Variants in KCNQ1 observed in about 807,000 individuals in gnomAD.
KCNQ1 encodes the protein potassium voltage-gated channel subfamily KQT member 1.
In KCNQ1, 49 loss-of-function variants were observed where a neutral mutation model predicts 72.4. The observed-to-expected ratio is 0.68, with a 90% confidence interval of 0.54 to 0.86. The LOEUF is 0.86. Among genes scored for constraint, KCNQ1 ranks in the 40% least tolerant of loss-of-function variants. KCNQ1 has a pLI of 0.00. For missense variants in KCNQ1, 790 were observed against 945.1 expected (o/e 0.84, Z 2.15); for synonymous variants, 450 against 412.6 (o/e 1.09, Z -1.10).
chr11:2,832,009 C>A (rs1213653154), intron 15 of KCNQ1, among the ~76,000 whole-genome samples: 1 of 152,072 alleles, frequency 6.6e-6, no homozygotes, highest in Non-Finnish European at 1.5e-5. Flanking sequence ...GGCCTGAGGC[C>A]CAGGCAGACC....
In KCNQ1 at chr11:2,543,219, T is replaced by C. The variant is rs529830561; in HGVS notation, c.477+15201T>C. On this transcript the variant is annotated intron_variant, in intron 2 of 15. Coordinates refer to ENST00000155840, the MANE Select transcript of KCNQ1 (RefSeq NM_000218.3). The surrounding 1 kb of genome is among the most constrained non-coding windows in gnomAD (Gnocchi z 5.6). ...TTTGTATATTCTGGTTACATAGATA[T>C]TTGTTTTACACATGTATTCTCTAGT... Among the ~76,000 whole-genome samples, 12 of 152,378 alleles carry C rather than the reference T, an allele frequency of 7.9e-5. 1 individual carries two copies. The South Asian group carries it at 2.1e-3, about 26-fold the overall frequency.
intron 15 of KCNQ1, among the ~76,000 whole-genome samples, chr11:2,829,844 G>A (rs1478545531): frequency 6.6e-6 from 1 of 151,632 alleles, no homozygotes; most frequent in African/African-American, 2.4e-5. Context: ...TTTAAAGATG[G>A]GAGAGCTTCA....
chr11:2,598,750 G>A lies in KCNQ1; in HGVS notation c.1393+9896G>A, dbSNP rs1373177778. Among the ~76,000 whole-genome samples the A allele has an allele frequency of 6.6e-6, 1 of 152,076 alleles. No individual in the cohort carries two copies. The highest frequency in any genetic ancestry group is 1.5e-5 in the Non-Finnish European group (1 of 68,032). ...AGCCTATATGGCCAACCTTCTTTAGGGTCATAGCCCAGCTCTGCCATTTTC... is the reference window on the plus strand; with the variant it reads ...AGCCTATATGGCCAACCTTCTTTAGAGTCATAGCCCAGCTCTGCCATTTTC... On this transcript the variant is annotated intron_variant, in intron 10 of 15. Coordinates refer to ENST00000155840, the MANE Select transcript of KCNQ1 (RefSeq NM_000218.3). This position sits in a 1 kb window ranked among gnomAD's most constrained non-coding sequence, Gnocchi z 6.2.
At chr11:2,836,767 G>A (rs1848074498) in intron 15 of KCNQ1, among the ~76,000 whole-genome samples, 1 of 152,240 alleles carries the variant, frequency 6.6e-6, no homozygotes, top group Non-Finnish European at 1.5e-5. Context: ...CGCTGACCAG[G>A]CAGAACCAGG....
At position 2,654,445 on chromosome 11, in the gene KCNQ1, C is replaced by T. The variant is rs1040733172; in HGVS notation, c.1394-7516C>T. 17 of 398,490 alleles carry T rather than the reference C, an allele frequency of 4.3e-5. No individual in the cohort carries two copies. Among genetic ancestry groups the T allele is most frequent in the East Asian group, 7.1e-5 (2 of 28,092 alleles). The allele number at this position is 398,490 out of a possible 1,614,324, so 24.7% of individuals were successfully genotyped here. Reference sequence around the variant, plus strand: ...TGGGTGAGGCAGAAGGCAAGGTTCCCGTGCTGAGCGCCAGGCACACATAAG... The same window carrying T: ...TGGGTGAGGCAGAAGGCAAGGTTCCTGTGCTGAGCGCCAGGCACACATAAG... On this transcript the variant is annotated intron_variant, in intron 10 of 15. Transcript: ENST00000155840. The surrounding 1 kb of genome is among the most constrained non-coding windows in gnomAD (Gnocchi z 6.4).
rs1845754634 is a variant in KCNQ1 at position 2,725,962 on chromosome 11, G to A, written c.1515-42882G>A. Among the ~76,000 whole-genome samples the A allele has an allele frequency of 6.6e-6, 1 of 152,218 alleles. No individual in the cohort carries two copies. The highest frequency in any genetic ancestry group is 2.4e-5 in the African/African-American group (1 of 41,456). On this transcript the variant is annotated intron_variant, in intron 11 of 15. Transcript: ENST00000155840. The surrounding 1 kb of genome is among the most constrained non-coding windows in gnomAD (Gnocchi z 7.2). Reference sequence around the variant, plus strand: ...AACCTTCGGGCTTCCCCACTAATTTGTGATAAGGCCTCGCCAAGAAAAACA... The same window carrying A: ...AACCTTCGGGCTTCCCCACTAATTTATGATAAGGCCTCGCCAAGAAAAACA...
rs768623145 is a variant in KCNQ1, at chr11:2,473,994, G to A, written c.386+28510G>A. On this transcript the variant is annotated intron_variant, in intron 1 of 15. Transcript: ENST00000155840. The surrounding 1 kb of genome is among the most constrained non-coding windows in gnomAD (Gnocchi z 6.0). ...AGGGCCCTTGGGAGGGAGGTAAGCG[G>A]GCAGCCGGGCCAACCTGCTGCTTGG... is the stretch of plus-strand genomic sequence containing the variant. Among the ~76,000 whole-genome samples the A allele has an allele frequency of 1.1e-4, 16 of 152,252 alleles. No individual in the cohort carries two copies. Among genetic ancestry groups the A allele is most frequent in the Non-Finnish European group, 2.2e-4 (15 of 68,042 alleles).
Position 2,828,194 on chromosome 11 carries a change from C to G in KCNQ1, c.1795-19573C>G, listed in dbSNP as rs985021960. ...GCTGGAGGACCTCAGCAGGCAGGGA[C>G]TAGCACCCAAGAAGAAAACTCTGAG... is the stretch of plus-strand genomic sequence containing the variant. On this transcript the variant is annotated intron_variant, in intron 15 of 15. Transcript: ENST00000155840. The surrounding 1 kb of genome is among the most constrained non-coding windows in gnomAD (Gnocchi z 5.3). Among the ~76,000 whole-genome samples, 5 of 152,182 alleles carry G rather than the reference C, an allele frequency of 3.3e-5. No homozygotes were observed. The highest frequency in any genetic ancestry group is 1.2e-4 in the African/African-American group (5 of 41,448).
At chr11:2,831,069 G>A (rs915981861) in intron 15 of KCNQ1, among the ~76,000 whole-genome samples, 7 of 152,318 alleles carry the variant, frequency 4.6e-5, no homozygotes, top group East Asian at 3.9e-4. Flanking sequence ...TGCTCTCTGC[G>A]CCCCATTTTC....
At chr11:2,805,435 T>A (rs144593442) in intron 15 of KCNQ1, among the ~76,000 whole-genome samples, 3 of 152,206 alleles carry the variant, frequency 2.0e-5, no homozygotes, top group Non-Finnish European at 4.4e-5. Context: ...GGCAAAGAAC[T>A]AGAAAGACAA....
chr11:2,459,192 C>T (rs888516645), intron 1 of KCNQ1, among the ~76,000 whole-genome samples: 8 of 152,198 alleles, frequency 5.3e-5, no homozygotes, highest in South Asian at 2.1e-4. Flanking sequence ...TTCCTTGGGA[C>T]GCGGTGGTGG....
rs2133578380 is a variant in KCNQ1, at chr11:2,458,825, C to G, written c.386+13341C>G. ...GGGATGGCTCTGTAGGACACATGAC[C>G]TGATTTCCTCAGTAAGTCAATGACC... On this transcript the variant is annotated intron_variant, in intron 1 of 15. Transcript: ENST00000155840. This position sits in a 1 kb window ranked among gnomAD's most constrained non-coding sequence, Gnocchi z 4.6. Among the ~76,000 whole-genome samples, 1 of 152,298 alleles carries G rather than the reference C, an allele frequency of 6.6e-6. No homozygotes were observed. Among genetic ancestry groups the G allele is most frequent in the South Asian group, 2.1e-4 (1 of 4,828 alleles).
Position 2,579,273 on chromosome 11 carries a change from TC to T in KCNQ1, c.922-4158del, listed in dbSNP as rs1440211318. Among the ~76,000 whole-genome samples the T allele has an allele frequency of 2.0e-5, 3 of 152,080 alleles. No homozygotes were observed. The highest frequency in any genetic ancestry group is 7.2e-5 in the African/African-American group (3 of 41,402). ...GAGGAACATGGGGGGACTAGAAGGC[TC>T]CCCATGCCTCCCGCCCCTTCACATG... On this transcript the variant is annotated intron_variant, in intron 6 of 15. Transcript: ENST00000155840. This position sits in a 1 kb window ranked among gnomAD's most constrained non-coding sequence, Gnocchi z 6.0.
chr11:2,585,378 C>T (rs540963956), intron 8 of KCNQ1, 71 bp downstream of exon 8: 3 of 1,355,342 alleles, frequency 2.2e-6, no homozygotes, highest in African/African-American at 2.9e-5. Context: ...CCCTCACGGC[C>T]ACCTGTCAGA....
chr11:2,830,270 G>C lies in KCNQ1; in HGVS notation c.1795-17497G>C, dbSNP rs180852234. On this transcript the variant is annotated intron_variant, in intron 15 of 15. Transcript: ENST00000155840. The surrounding 1 kb of genome is among the most constrained non-coding windows in gnomAD (Gnocchi z 7.7). ...GGGCTGTGCAGGATAAGGCCAGTGA[G>C]AGAAGAGGACTCACTGGTGGGTGCC... 8.0e-4 allele frequency among the ~76,000 whole-genome samples: 122 copies of C among 152,176 alleles called. No homozygotes were observed. Among genetic ancestry groups the C allele is most frequent in the African/African-American group, 2.8e-3 (115 of 41,506 alleles).
At chr11:2,822,456 T>C (rs1426592516) in intron 15 of KCNQ1, among the ~76,000 whole-genome samples, 1 of 152,196 alleles carries the variant, frequency 6.6e-6, no homozygotes, top group African/African-American at 2.4e-5. Context: ...TATGGCAGAA[T>C]GCAAGTGTTT....
At chr11:2,535,983 C>T (rs1193112210) in intron 2 of KCNQ1, among the ~76,000 whole-genome samples, 5 of 152,252 alleles carry the variant, frequency 3.3e-5, no homozygotes, top group South Asian at 2.1e-4. Flanking sequence ...CTGAGGCCCA[C>T]GGGGCATGGC....
intron 11 of KCNQ1, among the ~76,000 whole-genome samples, chr11:2,738,123 C>T (rs542794092): frequency 2.5e-4 from 38 of 151,286 alleles, no homozygotes; most frequent in South Asian, 2.5e-3. Context: ...AGAAGATGAA[C>T]GAGGAAAGGA....
At position 2,547,138 on chromosome 11, in the gene KCNQ1, C is replaced by T. The variant is rs952794423; in HGVS notation, c.477+19120C>T. Among the ~76,000 whole-genome samples, 5 of 152,152 alleles carry T rather than the reference C, an allele frequency of 3.3e-5. No individual in the cohort carries two copies. The highest frequency in any genetic ancestry group is 4.8e-5 in the African/African-American group (2 of 41,430). On this transcript the variant is annotated intron_variant, in intron 2 of 15. Coordinates refer to ENST00000155840, the MANE Select transcript of KCNQ1 (RefSeq NM_000218.3). The surrounding 1 kb of genome is among the most constrained non-coding windows in gnomAD (Gnocchi z 4.2). ...ACTCTGTCATTGTCTTTTATAATTACGTGTATTTTGTCACGGTTGCTGTTG... is the reference window on the plus strand; with the variant it reads ...ACTCTGTCATTGTCTTTTATAATTATGTGTATTTTGTCACGGTTGCTGTTG...
Sources: allele counts gnomAD v4.1 joint callset (sites outside exome capture counted in the v4.1 genomes callset), GRCh38; gene constraint gnomAD v4.1.1; non-coding constraint Gnocchi (gnomAD v3.1); transcripts MANE v1.5; gene names NCBI Gene and HGNC (gene_info 2026-07-23, HGNC 2026-07-21).